Variants in PTPN2 observed in about 807,000 individuals in gnomAD.
The protein encoded by PTPN2 is tyrosine-protein phosphatase non-receptor type 2.
A neutral mutation model predicts 57.3 loss-of-function variants in PTPN2; 19 were observed. The ratio of observed to expected loss-of-function variants is 0.33; its 90% CI spans 0.23 to 0.49. PTPN2 has a LOEUF of 0.49. PTPN2 is among the 20% of genes least tolerant of loss of function. The pLI, the probability that PTPN2 is intolerant of heterozygous loss-of-function variation, is 0.99. For synonymous variants in PTPN2, 153 were observed against 164.9 expected (o/e 0.93, Z 0.55); for missense variants, 358 against 501.1 (o/e 0.71, Z 2.73).
intron 7 of PTPN2, among the ~76,000 whole-genome samples, chr18:12,807,110 T>G (rs1178169242): frequency 6.6e-6 from 1 of 151,972 alleles, no homozygotes; most frequent in Non-Finnish European, 1.5e-5. Flanking sequence ...AGTAATCCAA[T>G]TAAAAATAGG....
At position 12,794,228 on chromosome 18, in the gene PTPN2, G is replaced by T. The variant is rs765019210; in HGVS notation, c.*50C>A. 3.7e-6 allele frequency: 6 copies of T among 1,610,906 alleles called. No individual in the cohort carries two copies. The highest frequency in any genetic ancestry group is 5.1e-6 in the Non-Finnish European group (6 of 1,178,578). On this transcript the variant is annotated 3_prime_UTR_variant, in exon 9 of 9. Transcript: ENST00000309660. Reference sequence around the variant, plus strand: ...CTGCAGACAAACCCCTATGATTAATGTAGCACTGTCAGTTACTAGTGCAGA... The same window carrying T: ...CTGCAGACAAACCCCTATGATTAATTTAGCACTGTCAGTTACTAGTGCAGA...
At chr18:12,863,556 G>A (rs34046262) in intron 1 of PTPN2, 1 of 147,108 alleles carries the variant, frequency 6.8e-6, no homozygotes, top group Non-Finnish European at 1.5e-5. Context: ...TTTTTTGGGG[G>A]GGGGGGGGCA....
intron 8 of PTPN2, among the ~76,000 whole-genome samples, chr18:12,800,211 C>T (rs1180005759): frequency 6.6e-6 from 1 of 152,098 alleles, no homozygotes; most frequent in East Asian, 1.9e-4. Context: ...TCTGTATTTG[C>T]AAGCTTGTAT....
At position 12,853,218 on chromosome 18, in the gene PTPN2, CA is replaced by C. The variant is rs2043456026; in HGVS notation, c.160+5945del. Among the ~76,000 whole-genome samples the C allele has an allele frequency of 2.0e-5, 3 of 152,298 alleles. No homozygotes were observed. The South Asian group carries it at 6.2e-4, about 32-fold the overall frequency. On this transcript the variant is annotated intron_variant, in intron 2 of 8. Transcript: ENST00000309660. ...AAGCTGGAGTGCACTGGTGCCATTG[CA>C]ACTCACTGCAGCTTTGAATTAGTGG...
At chr18:12,875,117 G>A (rs183417808) in intron 1 of PTPN2, among the ~76,000 whole-genome samples, 5 of 152,146 alleles carry the variant, frequency 3.3e-5, no homozygotes, top group East Asian at 3.9e-4. Context: ...CAGCATGCTC[G>A]TTAACAGTCA....
At chr18:12,859,075 A>T in intron 2 of PTPN2, 89 bp downstream of exon 2, 1 of 921,066 alleles carries the variant, frequency 1.1e-6, no homozygotes. Flanking sequence ...GTATTTATCA[A>T]CACTGACCCC....
At chr18:12,875,695 T>C (rs2044464372) in intron 1 of PTPN2, among the ~76,000 whole-genome samples, 1 of 152,178 alleles carries the variant, frequency 6.6e-6, no homozygotes, top group Non-Finnish European at 1.5e-5. Flanking sequence ...AAGAGCACAC[T>C]ATGTTAATTT....
chr18:12,825,681 C>T (rs45612637), intron 5 of PTPN2, 129 bp downstream of exon 5: 17,980 of 786,166 alleles, frequency 0.023, 248 homozygotes, highest in African/African-American at 0.038. Flanking sequence ...TCTAAAAACA[C>T]GTGATTATGG....
chr18:12,812,783 C>G (rs1389474743), intron 7 of PTPN2, among the ~76,000 whole-genome samples: 1 of 152,096 alleles, frequency 6.6e-6, no homozygotes, highest in African/African-American at 2.4e-5. Context: ...TCCTGAGTAC[C>G]TGAAGGATAA....
intron 1 of PTPN2, among the ~76,000 whole-genome samples, chr18:12,870,273 G>GTGTGTGTA (rs1387363838): frequency 1.2e-5 from 1 of 81,752 alleles, no homozygotes; most frequent in African/African-American, 7.0e-5. Context: ...ATATATATAT[G>GTGTGTGTA]TATATATATA....
intron 2 of PTPN2, among the ~76,000 whole-genome samples, chr18:12,839,003 A>G (rs1033269400): frequency 1.4e-4 from 22 of 151,878 alleles, no homozygotes; most frequent in Non-Finnish European, 1.5e-5. Context: ...ATTGAAAAAG[A>G]TTAATATAAA....
intron 2 of PTPN2, among the ~76,000 whole-genome samples, chr18:12,855,109 T>C (rs900108945): frequency 1.3e-5 from 2 of 152,162 alleles, no homozygotes; most frequent in African/African-American, 2.4e-5. Flanking sequence ...AAGTCTCTCA[T>C]TGCATTTGAC....
At chr18:12,818,416 A>C (rs1274104641) in intron 5 of PTPN2, among the ~76,000 whole-genome samples, 1 of 152,280 alleles carries the variant, frequency 6.6e-6, no homozygotes, top group East Asian at 1.9e-4. Context: ...TGATGTGCTA[A>C]AGTGGTTTAC....
intron 4 of PTPN2, among the ~76,000 whole-genome samples, chr18:12,829,398 G>A (rs997039350): frequency 2.1e-4 from 32 of 151,660 alleles, no homozygotes; most frequent in Middle Eastern, 3.4e-3. Context: ...CCAGTTGCTC[G>A]GGAGGCTGAG....
chr18:12,870,318 T>TAA (rs1491526480), intron 1 of PTPN2, among the ~76,000 whole-genome samples: 1 of 46,312 alleles, frequency 2.2e-5, no homozygotes, highest in Non-Finnish European at 3.9e-5. Flanking sequence ...TACATATATA[T>TAA]GTGTATATAT....
At chr18:12,868,816 A>G (rs2044085640) in intron 1 of PTPN2, among the ~76,000 whole-genome samples, 1 of 149,794 alleles carries the variant, frequency 6.7e-6, no homozygotes, top group African/African-American at 2.4e-5. Flanking sequence ...GATTTGTTTT[A>G]ACAAGTGAAG....
chr18:12,795,537 C>T (rs796561397), intron 8 of PTPN2, among the ~76,000 whole-genome samples: 45 of 152,240 alleles, frequency 3.0e-4, no homozygotes, highest in African/African-American at 1.1e-3. Context: ...TCAAGTGATC[C>T]GCCCACCTCA....
Position 12,793,940 on chromosome 18 carries a change from T to G in PTPN2, c.*338A>C. The stretch of plus-strand genomic sequence containing the variant: ...TATCAAGTGCAGGTTAAAATCCAGA[T>G]AGCCTCCAAAAACAAATCCTGTGAT... On this transcript the variant is annotated 3_prime_UTR_variant, in exon 9 of 9. Transcript: ENST00000309660. The G allele has an allele frequency of 8.8e-7, 1 of 1,142,582 alleles. No individual in the cohort carries two copies. The highest frequency in any genetic ancestry group is 1.1e-6 in the Non-Finnish European group (1 of 928,128). 70.8% of individuals were successfully genotyped at this position (1,142,582 alleles called of 1,614,324 possible). A position where few individuals can be genotyped will look rare whatever the true frequency, so the allele number is the denominator to read the frequency against.
intron 2 of PTPN2, among the ~76,000 whole-genome samples, chr18:12,852,340 C>T (rs2043425897): frequency 6.6e-6 from 1 of 152,142 alleles, no homozygotes; most frequent in Non-Finnish European, 1.5e-5. Flanking sequence ...ATAGGAAGAT[C>T]TCAAAATTTG....
Sources: allele counts gnomAD v4.1 joint callset (sites outside exome capture counted in the v4.1 genomes callset), GRCh38; gene constraint gnomAD v4.1.1; transcripts MANE v1.5; gene names NCBI Gene and HGNC (gene_info 2026-07-23, HGNC 2026-07-21).